Variants in MARVELD2 observed in about 807,000 individuals in gnomAD.
MARVELD2 encodes MARVEL domain containing 2.
Under a neutral mutation model 57.6 loss-of-function variants are expected in MARVELD2, and 49 were observed. The observed-to-expected ratio is 0.85, with a 90% CI of 0.68 to 1.08. The LOEUF (loss-of-function observed/expected upper bound fraction) is 1.08. Ranked by LOEUF, MARVELD2 falls within the 50% of genes least tolerant of loss-of-function variation. MARVELD2 has a pLI of 0.00. For missense variants in MARVELD2, 606 were observed against 701.1 expected, an observed-to-expected ratio of 0.86 and a Z score of 1.53; for synonymous variants, 238 against 258.8, an observed-to-expected ratio of 0.92 and a Z score of 0.77.
Position 69,434,799 on chromosome 5 carries a change from C to T in MARVELD2, c.1503+1706C>T, listed in dbSNP as rs909520044. On this transcript the variant is annotated intron_variant, in intron 5 of 6. Transcript: ENST00000325631. ...GCAACCTCTGCCTCCCGGGTTGAAG[C>T]GATTCTCCCACCTCGGCCTCCCAAG... Among the ~76,000 whole-genome samples, 6 of 151,122 alleles carry T rather than the reference C, an allele frequency of 4.0e-5. No homozygotes were observed. The East Asian group carries it at 7.9e-4, about 20-fold the overall frequency.
intron 5 of MARVELD2, among the ~76,000 whole-genome samples, chr5:69,439,833 T>G (rs1235687072): frequency 6.6e-6 from 1 of 152,026 alleles, no homozygotes; most frequent in Non-Finnish European, 1.5e-5. Flanking sequence ...TATGCATAGG[T>G]TTGCATGGAT....
intron 3 of MARVELD2, among the ~76,000 whole-genome samples, chr5:69,431,064 G>C (rs1766948181): frequency 6.7e-6 from 1 of 150,178 alleles, no homozygotes; most frequent in Non-Finnish European, 1.5e-5. Context: ...CAAAGTGTTA[G>C]GCTTACACGT....
Position 69,419,701 on chromosome 5 carries a change from A to C in MARVELD2, c.316A>C (p.Ile106Leu). 1 of 1,614,168 alleles carries C rather than the reference A, an allele frequency of 6.2e-7. No homozygotes were observed. ...CGAATGGGATAAGCCGGTGTCTGAT[A>C]TCAGGTACATCTCCGATGGAGTGGA... ...DPEWDKPVSD[I>L]RYISDGVECS... Residue 106 changes from isoleucine to leucine, a missense_variant, in exon 2 of 7, where the codon ATC becomes CTC. By Grantham distance (5) the Ile-to-Leu change is conservative (BLOSUM62 2). Coordinates refer to ENST00000325631, the MANE Select transcript of MARVELD2 (RefSeq NM_001038603.3).
Position 69,419,708 on chromosome 5 carries a change from A to G in MARVELD2, c.323A>G (p.Tyr108Cys). The change falls in exon 2 of 7, where the codon TAC becomes TGC. Residue 108 changes from tyrosine (Y) to cysteine (C), a missense_variant. By Grantham distance (194) the Tyr-to-Cys change is radical. Coordinates refer to ENST00000325631, the MANE Select transcript of MARVELD2 (RefSeq NM_001038603.3). ...EWDKPVSDIR[Y>C]ISDGVECSPP... Reference sequence around the variant, plus strand: ...GATAAGCCGGTGTCTGATATCAGGTACATCTCCGATGGAGTGGAGTGTTCA... The same window carrying G: ...GATAAGCCGGTGTCTGATATCAGGTGCATCTCCGATGGAGTGGAGTGTTCA... 4 of 1,614,152 alleles carry G rather than the reference A, an allele frequency of 2.5e-6. No individual in the cohort carries two copies. Among genetic ancestry groups the G allele is most frequent in the Non-Finnish European group, 3.4e-6 (4 of 1,180,036 alleles).
chr5:69,440,339 A>G (rs1767290815), intron 5 of MARVELD2, 111 bp from the exon 6 acceptor site: 1 of 615,172 alleles, frequency 1.6e-6, no homozygotes, highest in East Asian at 2.9e-5. Flanking sequence ...GAATGTTTTC[A>G]TTATTTTCTT....
intron 6 of MARVELD2, 108 bp downstream of exon 6, chr5:69,440,608 G>A (rs1188787419): frequency 1.5e-6 from 1 of 683,256 alleles, no homozygotes; most frequent in Non-Finnish European, 2.6e-6. Flanking sequence ...GTATTTCATG[G>A]GATGCTCCTT....
chr5:69,437,381 TAAAAAAAAAAA>T (rs36086491), intron 5 of MARVELD2, among the ~76,000 whole-genome samples: 2 of 100,110 alleles, frequency 2.0e-5, no homozygotes, highest in South Asian at 6.9e-4. Flanking sequence ...AACTCTGTCT[TAAAAAAAAAAA>T]AAAAAAAAAA....
At chr5:69,416,567 T>G (rs1425701769) in intron 1 of MARVELD2, among the ~76,000 whole-genome samples, 1 of 152,158 alleles carries the variant, frequency 6.6e-6, no homozygotes, top group Non-Finnish European at 1.5e-5. Context: ...ATAGATAAAA[T>G]GATCAGATGT....
intron 2 of MARVELD2, among the ~76,000 whole-genome samples, chr5:69,423,479 G>A (rs188948465): frequency 4.0e-4 from 60 of 151,888 alleles, no homozygotes; most frequent in Middle Eastern, 3.4e-3. Context: ...GGCTGGTCTC[G>A]AACTTCTGGG....
intron 3 of MARVELD2, among the ~76,000 whole-genome samples, chr5:69,425,868 A>G (rs1172814138): frequency 6.6e-6 from 1 of 151,528 alleles, no homozygotes; most frequent in African/African-American, 2.4e-5. Flanking sequence ...AGCTGGGACT[A>G]CAGGTGCCCA....
At position 69,419,438 on chromosome 5, in the gene MARVELD2, C is replaced by T; in HGVS notation, c.53C>T (p.Pro18Leu). The stretch of plus-strand genomic sequence containing the variant: ...CGGGACAGGCGCTACGATGAGGTCC[C>T]AAGCGACCTGCCCTATCAAGATACC... ...RNRDRRYDEVPSDLPYQDTTI... is the reference protein window; with the variant it reads ...RNRDRRYDEVLSDLPYQDTTI... The change falls in exon 2 of 7, where the codon CCA becomes CTA. Residue 18 changes from proline to leucine, a missense_variant. By Grantham distance (98) the Pro-to-Leu change is moderately conservative (BLOSUM62 -3). Transcript: ENST00000325631. 1.2e-6 allele frequency: 2 copies of T among 1,614,164 alleles called. No individual in the cohort carries two copies. Among genetic ancestry groups the T allele is most frequent in the Non-Finnish European group, 1.7e-6 (2 of 1,180,050 alleles).
intron 3 of MARVELD2, among the ~76,000 whole-genome samples, chr5:69,430,608 C>A (rs1396242491): frequency 6.6e-6 from 1 of 151,828 alleles, no homozygotes; most frequent in African/African-American, 2.4e-5. Context: ...ATCTCAGCTC[C>A]TTGCCACCTC....
intron 1 of MARVELD2, among the ~76,000 whole-genome samples, chr5:69,416,943 A>G (rs1227142393): frequency 1.3e-5 from 2 of 152,108 alleles, no homozygotes; most frequent in East Asian, 1.9e-4. Flanking sequence ...GTGGCTTCTC[A>G]TCTCACTCCT....
intron 3 of MARVELD2, among the ~76,000 whole-genome samples, chr5:69,426,492 A>G (rs971989837): frequency 2.0e-5 from 3 of 151,440 alleles, no homozygotes; most frequent in African/African-American, 7.3e-5. Context: ...CCGCCACCAC[A>G]CCCAGCCAAT....
intron 3 of MARVELD2, among the ~76,000 whole-genome samples, chr5:69,427,417 G>C (rs748034885): frequency 1.1e-4 from 16 of 144,402 alleles, no homozygotes; most frequent in Non-Finnish European, 2.3e-4. Context: ...TTTTTTTTTT[G>C]GTTTGTTTTT....
At chr5:69,441,511 A>G (rs763171645) in intron 6 of MARVELD2, 21 bp from the exon 7 acceptor site, 1 of 1,607,664 alleles carries the variant, frequency 6.2e-7, no homozygotes, top group South Asian at 1.1e-5. Flanking sequence ...AGCCAAAATA[A>G]TACTTATATT....
At chr5:69,427,426 T>C (rs928678892) in intron 3 of MARVELD2, among the ~76,000 whole-genome samples, 7 of 152,056 alleles carry the variant, frequency 4.6e-5, no homozygotes, top group Non-Finnish European at 1.0e-4. Context: ...TGGTTTGTTT[T>C]TTTGAGACAG....
intron 5 of MARVELD2, 149 bp downstream of exon 5, chr5:69,433,242 A>G (rs1561300050): frequency 1.6e-5 from 12 of 771,474 alleles, no homozygotes; most frequent in Non-Finnish European, 1.8e-5. Flanking sequence ...GGCTTGCTGC[A>G]ACCTCCACCT....
intron 3 of MARVELD2, among the ~76,000 whole-genome samples, chr5:69,431,642 A>G (rs1766966489): frequency 6.6e-6 from 1 of 152,018 alleles, no homozygotes; most frequent in Non-Finnish European, 1.5e-5. Context: ...TTTGACATGT[A>G]CACGATTGGG....
Sources: gnomAD v4.1 joint callset for allele counts (sites outside exome capture counted in the v4.1 genomes callset) on GRCh38, gnomAD v4.1.1 for gene constraint, MANE v1.5 for transcripts, NCBI Gene and HGNC (gene_info 2026-07-23, HGNC 2026-07-21) for gene names.